The following ADAM29 variants were observed in gnomAD, a reference collection of about 807,000 sequenced individuals.
ADAM29 encodes disintegrin and metalloproteinase domain-containing protein 29.
For synonymous variants in ADAM29, 367 were observed against 342.3 expected (o/e 1.07, Z -0.80); for missense variants, 969 against 1,001.8 (o/e 0.97, Z 0.44).
rs151102002 is a variant in ADAM29 at position 174,931,968 on chromosome 4, T to G, written c.-262+794T>G. On this transcript the variant is annotated intron_variant, in intron 3 of 4. Coordinates refer to ENST00000359240, the MANE Select transcript of ADAM29 (RefSeq NM_014269.4). ...TATTTACTTTCATTGAAATGAAATA[T>G]TTTTCCACATTTATTTTTATTGAAA... 7.8e-3 allele frequency among the ~76,000 whole-genome samples: 1,189 copies of G among 152,270 alleles called. 12 individuals carry two copies. Among genetic ancestry groups the G allele is most frequent in the Middle Eastern group, 0.024 (7 of 294 alleles).
At chr4:174,922,637 C>G (rs1013752728) in intron 2 of ADAM29, among the ~76,000 whole-genome samples, 2 of 151,912 alleles carry the variant, frequency 1.3e-5, no homozygotes, top group African/African-American at 4.8e-5. Flanking sequence ...AGAGAGAGAC[C>G]CTCACGGCTG....
At chr4:174,966,624 T>G (rs1435207995) in intron 4 of ADAM29, among the ~76,000 whole-genome samples, 1 of 152,170 alleles carries the variant, frequency 6.6e-6, no homozygotes, top group Non-Finnish European at 1.5e-5. Flanking sequence ...CCTGTCTGGT[T>G]TGATGCTCTG....
At chr4:174,919,088 C>T (rs1310744746) in intron 1 of ADAM29, 1 of 152,170 alleles carries the variant, frequency 6.6e-6, no homozygotes, top group East Asian at 1.9e-4. Flanking sequence ...TTCTACCATA[C>T]TTTGTGGCAT....
At chr4:174,971,202 C>T (rs1746462357) in intron 4 of ADAM29, among the ~76,000 whole-genome samples, 1 of 152,162 alleles carries the variant, frequency 6.6e-6, no homozygotes, top group South Asian at 2.1e-4. Context: ...TAAATATGTA[C>T]AATAACATAT....
intron 4 of ADAM29, among the ~76,000 whole-genome samples, chr4:174,956,109 C>G (rs1745483536): frequency 6.6e-6 from 1 of 152,040 alleles, no homozygotes; most frequent in Non-Finnish European, 1.5e-5. Flanking sequence ...CCATTCTCTT[C>G]ATTATCCCTT....
intron 4 of ADAM29, among the ~76,000 whole-genome samples, chr4:174,968,176 T>C (rs982366315): frequency 7.2e-5 from 11 of 152,100 alleles, no homozygotes; most frequent in Non-Finnish European, 1.2e-4. Flanking sequence ...TTCTTTTGAG[T>C]TAAAATATAC....
In ADAM29 at chr4:174,978,076, C is replaced by G; in HGVS notation, c.*88C>G. On this transcript the variant is annotated 3_prime_UTR_variant, in exon 5 of 5. Transcript: ENST00000359240. ...TCGGGTGACACCCTCCCAGAGTCAA[C>G]CTCATGTGACACCTTACCGGAGTAA... is the stretch of plus-strand genomic sequence containing the variant. The G allele has an allele frequency of 6.4e-7, 1 of 1,565,728 alleles. No homozygotes were observed. The highest frequency in any genetic ancestry group is 8.7e-7 in the Non-Finnish European group (1 of 1,150,228).
chr4:174,946,105 G>T (rs150596508), intron 4 of ADAM29, among the ~76,000 whole-genome samples: 1 of 152,078 alleles, frequency 6.6e-6, no homozygotes, highest in East Asian at 1.9e-4. Flanking sequence ...TAAGAATATC[G>T]ATTCTTTCTC....
At chr4:174,967,998 A>G (rs1746247616) in intron 4 of ADAM29, among the ~76,000 whole-genome samples, 1 of 152,082 alleles carries the variant, frequency 6.6e-6, no homozygotes, top group Non-Finnish European at 1.5e-5. Context: ...ACAGAAACTG[A>G]ATTATTTTGT....
chr4:174,943,219 A>G (rs191698542), intron 4 of ADAM29, among the ~76,000 whole-genome samples: 3 of 152,288 alleles, frequency 2.0e-5, no homozygotes, highest in East Asian at 3.9e-4. Flanking sequence ...AAACTTTCCC[A>G]CATCTTCCTG....
At chr4:174,925,404 CA>C (rs1743461027) in intron 2 of ADAM29, among the ~76,000 whole-genome samples, 1 of 151,648 alleles carries the variant, frequency 6.6e-6, no homozygotes, top group Non-Finnish European at 1.5e-5. Flanking sequence ...TTTTAAAAAA[CA>C]AAGTTTATAT....
At chr4:174,950,148 A>T (rs1177807205) in intron 4 of ADAM29, among the ~76,000 whole-genome samples, 3 of 151,960 alleles carry the variant, frequency 2.0e-5, no homozygotes, top group African/African-American at 7.3e-5. Context: ...CTCTTTTCAA[A>T]CCTCTTCTTT....
chr4:174,947,115 C>T (rs1744898111), intron 4 of ADAM29, among the ~76,000 whole-genome samples: 1 of 151,564 alleles, frequency 6.6e-6, no homozygotes, highest in South Asian at 2.1e-4. Context: ...TCTCATTGGG[C>T]TTATTTGGAT....
intron 3 of ADAM29, among the ~76,000 whole-genome samples, chr4:174,931,799 C>T (rs1169846472): frequency 7.1e-6 from 1 of 139,944 alleles, no homozygotes; most frequent in East Asian, 2.7e-4. Context: ...AATTTATACC[C>T]AGTCTCTCTC....
At chr4:174,956,546 A>G (rs949061116) in intron 4 of ADAM29, among the ~76,000 whole-genome samples, 6 of 151,524 alleles carry the variant, frequency 4.0e-5, no homozygotes, top group Non-Finnish European at 7.4e-5. Flanking sequence ...AGAATAATGA[A>G]TAAGAGCTAT....
At position 174,977,851 on chromosome 4, in the gene ADAM29, C is replaced by G. The variant is rs1245055521; in HGVS notation, c.2326C>G (p.Gln776Glu). 6.3e-7 allele frequency: 1 copy of G among 1,587,304 alleles called. No homozygotes were observed. Among genetic ancestry groups the G allele is most frequent in the Non-Finnish European group, 8.6e-7 (1 of 1,165,712 alleles). ...SQSQPRVMPSQSQPPVMPSQS... is the reference protein window; with the variant it reads ...SQSQPRVMPSESQPPVMPSQS... ...GAGTCAACCTCGGGTGATGCCTTCT[C>G]AGAGTCAACCTCCTGTGATGCCTTC... Residue 776 changes from glutamine to glutamate, a missense_variant, in exon 5 of 5, where the codon CAG becomes GAG. Physicochemically the swap from Gln to Glu is conservative, Grantham distance 29. Coordinates refer to ENST00000359240, the MANE Select transcript of ADAM29 (RefSeq NM_014269.4).
At chr4:174,924,433 T>A (rs1429277246) in intron 2 of ADAM29, among the ~76,000 whole-genome samples, 1 of 152,196 alleles carries the variant, frequency 6.6e-6, no homozygotes, top group African/African-American at 2.4e-5. Flanking sequence ...TAGTCTTACC[T>A]CAACATCCAG....
chr4:174,946,200 C>A (rs558422764), intron 4 of ADAM29, among the ~76,000 whole-genome samples: 7 of 152,004 alleles, frequency 4.6e-5, no homozygotes, highest in Non-Finnish European at 1.0e-4. Flanking sequence ...TGGACAAAAT[C>A]TTTTACCTCC....
chr4:174,924,989 G>A (rs978159854), intron 2 of ADAM29, among the ~76,000 whole-genome samples: 1 of 152,152 alleles, frequency 6.6e-6, no homozygotes, highest in Non-Finnish European at 1.5e-5. Flanking sequence ...TATGATAAAA[G>A]GCACTTTCCC....
Sources: allele counts gnomAD v4.1 joint callset (sites outside exome capture counted in the v4.1 genomes callset), GRCh38; gene constraint gnomAD v4.1.1; transcripts MANE v1.5; gene names NCBI Gene and HGNC (gene_info 2026-07-23, HGNC 2026-07-21).